TASP1: variants seen among roughly 807,000 people sequenced by gnomAD.
TASP1 encodes threonine aspartase 1.
A neutral mutation model predicts 56.6 loss-of-function variants in TASP1; 16 were observed. The ratio of observed to expected loss-of-function variants is 0.28; its 90% CI spans 0.19 to 0.43. The LOEUF is 0.43. Among genes scored for constraint, TASP1 ranks in the 20% least tolerant of loss-of-function variants. TASP1 has a pLI of 1.00. For missense variants in TASP1, 393 were observed against 511.6 expected, an observed-to-expected ratio of 0.77 and a Z score of 2.24; for synonymous variants, 179 against 184.2, an observed-to-expected ratio of 0.97 and a Z score of 0.23.
At chr20:13,220,080 T>C in the TASP1 span, among the ~76,000 whole-genome samples, 1 of 151,970 alleles carries the variant, frequency 6.6e-6, no homozygotes, top group African/African-American at 2.4e-5. Context: ...CTTGGAAATG[T>C]GCGACGCGGC....
chr20:13,434,691 C>T (rs1175973099), intron 12 of TASP1, among the ~76,000 whole-genome samples: 4 of 152,108 alleles, frequency 2.6e-5, no homozygotes, highest in African/African-American at 9.7e-5. Context: ...GGAAGGGGAA[C>T]AGGAAGAAGC....
the TASP1 span, among the ~76,000 whole-genome samples, chr20:13,307,031 A>G: frequency 5.9e-5 from 9 of 152,122 alleles, no homozygotes; most frequent in South Asian, 2.1e-4. Context: ...TTGGAGGGAG[A>G]GAGAAAGAAC....
the TASP1 span, among the ~76,000 whole-genome samples, chr20:13,241,705 G>C: frequency 6.6e-6 from 1 of 152,190 alleles, no homozygotes; most frequent in Non-Finnish European, 1.5e-5. Context: ...GGATACTGGA[G>C]CAAGTAAGGT....
At chr20:13,322,348 C>T in the TASP1 span, among the ~76,000 whole-genome samples, 8 of 152,176 alleles carry the variant, frequency 5.3e-5, no homozygotes, top group Non-Finnish European at 1.0e-4. Context: ...AAGACACACT[C>T]CCACCCTCTT....
At chr20:13,476,008 A>G (rs1460135084) in intron 11 of TASP1, among the ~76,000 whole-genome samples, 1 of 152,126 alleles carries the variant, frequency 6.6e-6, no homozygotes, top group Non-Finnish European at 1.5e-5. Flanking sequence ...AATCCCAGCT[A>G]CTTGGGAGGC....
chr20:13,458,747 T>C (rs945493806), intron 11 of TASP1, among the ~76,000 whole-genome samples: 4 of 152,164 alleles, frequency 2.6e-5, no homozygotes, highest in Non-Finnish European at 5.9e-5. Flanking sequence ...AGCCCTGTGG[T>C]TGTTGCATGT....
chr20:13,110,562 C>A, the TASP1 span, among the ~76,000 whole-genome samples: 226 of 152,300 alleles, frequency 1.5e-3, no homozygotes, highest in African/African-American at 5.2e-3. Context: ...TCAAAACACT[C>A]CTTGCCTTTA....
intron 11 of TASP1, among the ~76,000 whole-genome samples, chr20:13,482,108 CAGG>C (rs2043159835): frequency 6.6e-6 from 1 of 152,056 alleles, no homozygotes; most frequent in South Asian, 2.1e-4. Context: ...TGGTGAGAGA[CAGG>C]AGTCTAGTTT....
chr20:13,466,565 T>C (rs2044267866), intron 11 of TASP1, among the ~76,000 whole-genome samples: 1 of 151,942 alleles, frequency 6.6e-6, no homozygotes, highest in Non-Finnish European at 1.5e-5. Context: ...GCCAACACAG[T>C]GAAACCCCGT....
At chr20:13,508,496 T>C (rs1205172733) in intron 10 of TASP1, among the ~76,000 whole-genome samples, 3 of 152,178 alleles carry the variant, frequency 2.0e-5, no homozygotes, top group Admixed American at 1.3e-4. Context: ...AACTGGTATG[T>C]ATTCTGCAAT....
At chr20:13,465,878 G>C (rs1301888843) in intron 11 of TASP1, among the ~76,000 whole-genome samples, 6 of 152,064 alleles carry the variant, frequency 3.9e-5, no homozygotes, top group Admixed American at 2.0e-4. Context: ...GTTATAAAGG[G>C]GGAACGTGAG....
chr20:13,167,757 C>G, the TASP1 span: 2 of 152,236 alleles, frequency 1.3e-5, no homozygotes, highest in Admixed American at 1.3e-4. Context: ...TGGCTAAAAT[C>G]CATACCCCTA....
At chr20:13,627,625 C>A (rs1240113533) in intron 2 of TASP1, among the ~76,000 whole-genome samples, 2 of 151,192 alleles carry the variant, frequency 1.3e-5, no homozygotes, top group African/African-American at 2.4e-5. Flanking sequence ...GTGGCACGTG[C>A]CTGTAATCCC....
At chr20:13,453,330 C>G (rs1040245074) in intron 11 of TASP1, among the ~76,000 whole-genome samples, 1 of 152,074 alleles carries the variant, frequency 6.6e-6, no homozygotes, top group Non-Finnish European at 1.5e-5. Context: ...AAGACAGCAA[C>G]TGGTGGCCAA....
chr20:13,435,298 A>G, intron 11 of TASP1, 144 bp from the exon 12 acceptor site: 2 of 647,730 alleles, frequency 3.1e-6, no homozygotes, highest in Non-Finnish European at 5.3e-6. Flanking sequence ...ACCTCATTAT[A>G]TACTTGATGG....
At chr20:13,195,421 G>A in the TASP1 span, among the ~76,000 whole-genome samples, 1 of 152,182 alleles carries the variant, frequency 6.6e-6, no homozygotes, top group African/African-American at 2.4e-5. Flanking sequence ...TCACAAGGGC[G>A]AGGGAATTAG....
chr20:13,404,914 T>A (rs1049720532), intron 13 of TASP1, among the ~76,000 whole-genome samples: 2 of 152,214 alleles, frequency 1.3e-5, no homozygotes, highest in African/African-American at 4.8e-5. Flanking sequence ...TAATCCTTTG[T>A]GTTATTGCCC....
the TASP1 span, among the ~76,000 whole-genome samples, chr20:13,218,588 G>A: frequency 1.3e-5 from 2 of 152,210 alleles, no homozygotes; most frequent in African/African-American, 2.4e-5. Flanking sequence ...TGCTCTGGAC[G>A]CTCTGCTGAA....
chr20:13,421,861 A>AT (rs1252511343), intron 12 of TASP1, among the ~76,000 whole-genome samples: 1 of 152,192 alleles, frequency 6.6e-6, no homozygotes, highest in African/African-American at 2.4e-5. Flanking sequence ...AGGTAGGGAA[A>AT]ATACAGGGCT....
Sources: allele counts gnomAD v4.1 joint callset (sites outside exome capture counted in the v4.1 genomes callset), GRCh38; gene constraint gnomAD v4.1.1; transcripts MANE v1.5; gene names NCBI Gene and HGNC (gene_info 2026-07-23, HGNC 2026-07-21).